Variants in PLCL1 observed in about 807,000 individuals in gnomAD.
PLCL1 encodes the protein inactive phospholipase C-like protein 1.
Under a neutral mutation model 84.4 loss-of-function variants are expected in PLCL1, and 41 were observed. The observed-to-expected ratio is 0.49, with a 90% CI of 0.38 to 0.63. PLCL1 has a LOEUF of 0.63. Ranked by LOEUF, PLCL1 falls within the 30% of genes least tolerant of loss-of-function variation. The probability of loss-of-function intolerance (pLI) is 0.00; values close to 1 mark genes in which losing one functional copy is unlikely to be tolerated. For missense variants in PLCL1, 1,206 were observed against 1,367.8 expected, an observed-to-expected ratio of 0.88 and a Z score of 1.87; for synonymous variants, 490 against 488.3, an observed-to-expected ratio of 1.00 and a Z score of -0.05.
intron 1 of PLCL1, among the ~76,000 whole-genome samples, chr2:198,077,839 T>C (rs1692616623): frequency 6.6e-6 from 1 of 152,146 alleles, no homozygotes; most frequent in Admixed American, 6.6e-5. Context: ...TTAGTAATAT[T>C]TCCACTCACT....
At chr2:197,842,362 A>T (rs1026277887) in intron 1 of PLCL1, among the ~76,000 whole-genome samples, 1 of 152,066 alleles carries the variant, frequency 6.6e-6, no homozygotes, top group Non-Finnish European at 1.5e-5. Flanking sequence ...GACAGCTGAC[A>T]TTCTGACTTT....
intron 1 of PLCL1, among the ~76,000 whole-genome samples, chr2:197,972,954 G>T (rs748507976): frequency 2.4e-4 from 36 of 152,168 alleles, no homozygotes; most frequent in Non-Finnish European, 4.7e-4. Context: ...TAAACAGGAA[G>T]AATCCAACTG....
intron 1 of PLCL1, among the ~76,000 whole-genome samples, chr2:198,028,182 G>T (rs1691320519): frequency 6.6e-6 from 1 of 151,958 alleles, no homozygotes; most frequent in African/African-American, 2.4e-5. Flanking sequence ...GTAAATCAAA[G>T]ACTTTCTCAA....
intron 3 of PLCL1, among the ~76,000 whole-genome samples, chr2:198,098,967 T>C (rs183676937): frequency 6.6e-6 from 1 of 152,298 alleles, no homozygotes; most frequent in East Asian, 1.9e-4. Flanking sequence ...TGTCAACCTT[T>C]ATCTGGGCAA....
chr2:197,969,535 C>T (rs757286458), intron 1 of PLCL1, among the ~76,000 whole-genome samples: 17 of 152,204 alleles, frequency 1.1e-4, no homozygotes, highest in Non-Finnish European at 2.2e-4. Flanking sequence ...GCTTTCATCA[C>T]CTCCATCCTG....
chr2:198,112,010 T>G (rs1574320811), intron 5 of PLCL1, among the ~76,000 whole-genome samples: 1 of 151,902 alleles, frequency 6.6e-6, no homozygotes, highest in African/African-American at 2.4e-5. Flanking sequence ...AGAGTGTATC[T>G]TGAGAATAAT....
At chr2:197,961,238 G>GGAGAGAGA (rs60411488) in intron 1 of PLCL1, among the ~76,000 whole-genome samples, 276 of 146,080 alleles carry the variant, frequency 1.9e-3, no homozygotes, top group East Asian at 0.016. Context: ...TTGGGAAGGT[G>GGAGAGAGA]GAGAGAGAGA....
At position 197,829,333 on chromosome 2, in the gene PLCL1, C is replaced by T. The variant is rs377112844; in HGVS notation, c.240+23994C>T. Among the ~76,000 whole-genome samples the T allele has an allele frequency of 8.5e-5, 13 of 152,234 alleles. 1 individual carries two copies. Among genetic ancestry groups the T allele is most frequent in the African/African-American group, 3.1e-4 (13 of 41,546 alleles). ...TAGTAAATCATATTTGAAGCTAGTACGTGAACTTAGAGAGCTAGCTTTAAG... is the reference window on the plus strand; with the variant it reads ...TAGTAAATCATATTTGAAGCTAGTATGTGAACTTAGAGAGCTAGCTTTAAG... On this transcript the variant is annotated intron_variant, in intron 1 of 5. Coordinates refer to ENST00000428675, the MANE Select transcript of PLCL1 (RefSeq NM_006226.4).
At chr2:198,112,287 T>C (rs1329496917) in intron 5 of PLCL1, among the ~76,000 whole-genome samples, 1 of 151,790 alleles carries the variant, frequency 6.6e-6, no homozygotes, top group Non-Finnish European at 1.5e-5. Flanking sequence ...ACAGGTACGA[T>C]TGGGAATCAC....
At chr2:198,036,368 A>G (rs1162250267) in intron 1 of PLCL1, among the ~76,000 whole-genome samples, 1 of 152,116 alleles carries the variant, frequency 6.6e-6, no homozygotes, top group African/African-American at 2.4e-5. Flanking sequence ...CACTTAGCTA[A>G]TTTTCTATTA....
intron 1 of PLCL1, among the ~76,000 whole-genome samples, chr2:197,972,011 A>T (rs982557497): frequency 1.3e-5 from 2 of 152,212 alleles, no homozygotes; most frequent in Admixed American, 1.3e-4. Context: ...TAAAATGTAC[A>T]TGTTTATAGG....
Position 198,087,041 on chromosome 2 carries a change from A to G in PLCL1, c.2715+809A>G, listed in dbSNP as rs1446870013. Among the ~76,000 whole-genome samples, 4 of 152,218 alleles carry G rather than the reference A, an allele frequency of 2.6e-5. No homozygotes were observed. In the East Asian group the frequency reaches 5.8e-4, roughly 22 times the overall value. On this transcript the variant is annotated intron_variant, in intron 2 of 5. Coordinates refer to ENST00000428675, the MANE Select transcript of PLCL1 (RefSeq NM_006226.4). ...CAATAATAAATTACTCCCCACAAGA[A>G]CAAGTAAAACTAAACAAAAAAAATT...
At chr2:198,119,442 T>C (rs917344806) in intron 5 of PLCL1, among the ~76,000 whole-genome samples, 6 of 152,016 alleles carry the variant, frequency 3.9e-5, no homozygotes, top group Non-Finnish European at 8.8e-5. Flanking sequence ...TCACATTTTA[T>C]ATTCTCCAGG....
intron 1 of PLCL1, among the ~76,000 whole-genome samples, chr2:197,877,611 A>G (rs1046794333): frequency 2.6e-5 from 4 of 152,168 alleles, no homozygotes; most frequent in Admixed American, 6.6e-5. Context: ...TTCTTAGCCA[A>G]TTAGTAGCCT....
intron 1 of PLCL1, among the ~76,000 whole-genome samples, chr2:197,956,987 T>C (rs180832752): frequency 5.0e-4 from 76 of 152,216 alleles, no homozygotes; most frequent in African/African-American, 1.8e-3. Flanking sequence ...TGTCATGAAG[T>C]CTTTACCCAT....
chr2:197,822,718 G>A (rs1690843525), intron 1 of PLCL1, among the ~76,000 whole-genome samples: 1 of 152,172 alleles, frequency 6.6e-6, no homozygotes, highest in South Asian at 2.1e-4. Flanking sequence ...ATTTGAAATG[G>A]TGTTCCTAGG....
intron 5 of PLCL1, among the ~76,000 whole-genome samples, chr2:198,128,073 C>T (rs1368364470): frequency 6.6e-6 from 1 of 152,170 alleles, no homozygotes. Flanking sequence ...GGCTTTTAGT[C>T]ATTCCATTTT....
intron 1 of PLCL1, among the ~76,000 whole-genome samples, chr2:197,915,558 G>A (rs1436185343): frequency 6.6e-6 from 1 of 151,306 alleles, no homozygotes; most frequent in Non-Finnish European, 1.5e-5. Context: ...GCAGCAGGAT[G>A]TGAGATTCCC....
chr2:197,872,395 G>C (rs988596712), intron 1 of PLCL1, among the ~76,000 whole-genome samples: 3 of 152,020 alleles, frequency 2.0e-5, no homozygotes, highest in African/African-American at 7.2e-5. Flanking sequence ...TTTCTCATTT[G>C]TAATCCGTCT....
Sources: gnomAD v4.1 joint callset for allele counts (sites outside exome capture counted in the v4.1 genomes callset) on GRCh38, gnomAD v4.1.1 for gene constraint, MANE v1.5 for transcripts, NCBI Gene and HGNC (gene_info 2026-07-23, HGNC 2026-07-21) for gene names.